TMEM72: variants seen among roughly 807,000 people sequenced by gnomAD.
The protein encoded by TMEM72 is kidney-specific secretory protein of 37 kDa.
TMEM72 carries 9 observed loss-of-function variants against 16.3 expected under a neutral mutation model. The ratio of observed to expected loss-of-function variants is 0.55; its 90% CI spans 0.33 to 0.96. The LOEUF (loss-of-function observed/expected upper bound fraction) is 0.96. Ranked by LOEUF, TMEM72 falls within the 40% of genes least tolerant of loss-of-function variation. The pLI is 0.03. For synonymous variants in TMEM72, 160 were observed against 146.5 expected, an observed-to-expected ratio of 1.09 and a Z score of -0.66; for missense variants, 324 against 337.8, an observed-to-expected ratio of 0.96 and a Z score of 0.32.
chr10:44,912,490 T>C (rs1839952003), intron 1 of TMEM72, among the ~76,000 whole-genome samples: 1 of 152,196 alleles, frequency 6.6e-6, no homozygotes, highest in Admixed American at 6.5e-5. Flanking sequence ...GGGCAAAAGC[T>C]TACCCACGGG....
chr10:44,935,294 C>A lies in TMEM72; in HGVS notation c.*160C>A. On this transcript the variant is annotated 3_prime_UTR_variant, in exon 5 of 5. Transcript: ENST00000389583. ...GCCATCAGGAGGTGTGACTGGCCAG[C>A]ATTTCTGGAGAGGCCTCGAGGGAGG... 1 of 669,052 alleles carries A rather than the reference C, an allele frequency of 1.5e-6. No homozygotes were observed. Among genetic ancestry groups the A allele is most frequent in the Non-Finnish European group, 2.4e-6 (1 of 418,752 alleles). 41.4% of individuals were successfully genotyped at this position (669,052 alleles called of 1,614,324 possible). A position where few individuals can be genotyped will look rare whatever the true frequency, so the allele number is the denominator to read the frequency against.
At chr10:44,929,536 G>A (rs750557632) in intron 2 of TMEM72, among the ~76,000 whole-genome samples, 1 of 152,066 alleles carries the variant, frequency 6.6e-6, no homozygotes, top group Non-Finnish European at 1.5e-5. Flanking sequence ...CCACCCTCCC[G>A]CCTCAGGGCA....
chr10:44,932,199 G>A (rs1340479568), intron 3 of TMEM72, 130 bp downstream of exon 3: 43 of 1,123,850 alleles, frequency 3.8e-5, no homozygotes, highest in Admixed American at 8.5e-5. Flanking sequence ...GCCCCCCACC[G>A]AGGTACAATC....
chr10:44,915,208 C>T (rs572736205), intron 1 of TMEM72, among the ~76,000 whole-genome samples: 2 of 152,206 alleles, frequency 1.3e-5, no homozygotes, highest in Non-Finnish European at 2.9e-5. Context: ...GGCCCCACTG[C>T]CCCATCTCCA....
At chr10:44,929,941 C>T (rs1195851408) in intron 2 of TMEM72, among the ~76,000 whole-genome samples, 1 of 152,386 alleles carries the variant, frequency 6.6e-6, no homozygotes, top group South Asian at 2.1e-4. Context: ...GAACACCCTC[C>T]GTGTCTAACT....
intron 3 of TMEM72, 121 bp from the exon 4 acceptor site, chr10:44,933,516 G>C: frequency 7.4e-7 from 1 of 1,356,148 alleles, no homozygotes; most frequent in Non-Finnish European, 1.0e-6. Flanking sequence ...AGGGCTTTCT[G>C]TTCAGCCAGG....
At chr10:44,918,400 A>G (rs1358567283) in intron 1 of TMEM72, among the ~76,000 whole-genome samples, 1 of 152,146 alleles carries the variant, frequency 6.6e-6, no homozygotes, top group Non-Finnish European at 1.5e-5. Flanking sequence ...GGTGAATTCT[A>G]CCAACACTTA....
intron 1 of TMEM72, among the ~76,000 whole-genome samples, chr10:44,912,864 T>C (rs1197932066): frequency 6.6e-6 from 1 of 152,090 alleles, no homozygotes; most frequent in Admixed American, 6.5e-5. Flanking sequence ...TGCTGGATGG[T>C]TTAACCCCAC....
intron 2 of TMEM72, 129 bp from the exon 3 acceptor site, chr10:44,931,869 G>T: frequency 2.4e-5 from 22 of 911,956 alleles, no homozygotes; most frequent in Non-Finnish European, 3.7e-5. Context: ...GGTGAATGTT[G>T]TCTGGGGGAA....
At chr10:44,922,525 G>A (rs1329593316) in intron 1 of TMEM72, among the ~76,000 whole-genome samples, 3 of 152,226 alleles carry the variant, frequency 2.0e-5, no homozygotes, top group African/African-American at 7.2e-5. Context: ...TAGCACACCA[G>A]GCTAGGAGCT....
At chr10:44,924,368 C>T (rs572471465) in intron 1 of TMEM72, among the ~76,000 whole-genome samples, 12 of 152,346 alleles carry the variant, frequency 7.9e-5, no homozygotes, top group Admixed American at 3.3e-4. Context: ...GTGAGTCCCT[C>T]GTCCAGCTTG....
chr10:44,915,027 A>G (rs1839993709), intron 1 of TMEM72, among the ~76,000 whole-genome samples: 1 of 152,190 alleles, frequency 6.6e-6, no homozygotes, highest in Non-Finnish European at 1.5e-5. Flanking sequence ...CATGGAGGGA[A>G]GGGGAGACAT....
At chr10:44,929,177 T>C (rs1840251398) in intron 2 of TMEM72, among the ~76,000 whole-genome samples, 2 of 152,202 alleles carry the variant, frequency 1.3e-5, no homozygotes, top group Middle Eastern at 3.4e-3. Flanking sequence ...TCTTTTCTTC[T>C]CCACTACCAG....
intron 2 of TMEM72, chr10:44,931,734 G>A (rs573604141): frequency 1.8e-5 from 9 of 504,528 alleles, no homozygotes; most frequent in East Asian, 3.3e-5. Flanking sequence ...GTCACACAGG[G>A]TGCCAGGTGA....
chr10:44,911,542 G>A lies in TMEM72; in HGVS notation c.30G>A (p.Leu10=), dbSNP rs1379895105. The A allele has an allele frequency of 1.9e-6, 3 of 1,551,340 alleles. No individual in the cohort carries two copies. The highest frequency in any genetic ancestry group is 2.7e-5 in the African/African-American group (2 of 73,130). The change falls in exon 1 of 5, where the codon CTG becomes CTA. Residue 10 remains leucine (L), a synonymous_variant. Transcript: ENST00000389583. MQLQVFWTG[L]EYTCRLLGIT... The stretch of plus-strand genomic sequence containing the variant: ...AGCTCCAGGTGTTCTGGACTGGGCT[G>A]GAATACACCTGCCGGCTCCTGGGCA...
intron 4 of TMEM72, among the ~76,000 whole-genome samples, chr10:44,934,014 G>A (rs1056539583): frequency 1.3e-5 from 2 of 152,186 alleles, no homozygotes; most frequent in African/African-American, 4.8e-5. Context: ...CCGTACAGAA[G>A]TGGAACCGCA....
intron 1 of TMEM72, among the ~76,000 whole-genome samples, chr10:44,925,199 T>A (rs4948931): frequency 0.2 from 30,304 of 152,196 alleles, 3,689 homozygotes; most frequent in East Asian, 0.57. Flanking sequence ...CCATTTTTTT[T>A]ATGCAAACCA....
At chr10:44,930,358 G>T (rs1308197060) in intron 2 of TMEM72, among the ~76,000 whole-genome samples, 1 of 152,158 alleles carries the variant, frequency 6.6e-6, no homozygotes. Flanking sequence ...GTCTTGATGT[G>T]CCTGTTAGGC....
chr10:44,915,004 C>G (rs1839993337), intron 1 of TMEM72, among the ~76,000 whole-genome samples: 1 of 152,306 alleles, frequency 6.6e-6, no homozygotes, highest in South Asian at 2.1e-4. Context: ...CCTCTCAGGC[C>G]GTCCAGGCTG....
Sources: gnomAD v4.1 joint callset for allele counts (sites outside exome capture counted in the v4.1 genomes callset) on GRCh38, gnomAD v4.1.1 for gene constraint, MANE v1.5 for transcripts, NCBI Gene and HGNC (gene_info 2026-07-23, HGNC 2026-07-21) for gene names.